The following FHIT variants were observed in gnomAD, a reference collection of about 807,000 sequenced individuals.
FHIT encodes the protein bis(5'-adenosyl)-triphosphatase.
A neutral mutation model predicts 17.9 loss-of-function variants in FHIT; 19 were observed. That is an observed-to-expected ratio of 1.06 (90% CI 0.74 to 1.56). The LOEUF (loss-of-function observed/expected upper bound fraction) is 1.56. Among genes scored for constraint, FHIT ranks in the 40% most tolerant of loss-of-function variants. FHIT has a pLI of 0.00. For synonymous variants in FHIT, 81 were observed against 69.7 expected (o/e 1.16, Z -0.81); for missense variants, 248 against 189.2 (o/e 1.31, Z -1.82).
intron 1 of FHIT, among the ~76,000 whole-genome samples, chr3:61,211,776 C>T (rs1018375282): frequency 6.6e-6 from 1 of 152,210 alleles, no homozygotes; most frequent in East Asian, 1.9e-4. Flanking sequence ...CTGACTGACA[C>T]CTCACACGGC....
chr3:60,662,463 T>C (rs1553691398), intron 4 of FHIT, among the ~76,000 whole-genome samples: 1 of 152,176 alleles, frequency 6.6e-6, no homozygotes, highest in African/African-American at 2.4e-5. Context: ...TAGTTTGAAG[T>C]TGGGTAATGA....
Position 59,862,619 on chromosome 3 carries a change from T to C in FHIT, c.348+59727A>G, listed in dbSNP as rs141314908. ...ATTGGCTGGGTATTTAAATATACTT[T>C]TCTTAGGCTGGGTTCCTCTAAAGCA... is the stretch of plus-strand genomic sequence containing the variant. On this transcript the variant is annotated intron_variant, in intron 8 of 9. Coordinates refer to ENST00000492590, the MANE Select transcript of FHIT (RefSeq NM_002012.4). Among the ~76,000 whole-genome samples the C allele has an allele frequency of 2.9e-3, 436 of 152,344 alleles. 2 individuals carry two copies. The highest frequency in any genetic ancestry group is 0.01 in the African/African-American group (417 of 41,588).
At chr3:60,695,124 G>A (rs539794865) in intron 4 of FHIT, among the ~76,000 whole-genome samples, 1 of 152,180 alleles carries the variant, frequency 6.6e-6, no homozygotes, top group Non-Finnish European at 1.5e-5. Flanking sequence ...GCCGGGTGCT[G>A]TGGCTCACTC....
chr3:59,861,465 G>A (rs1397248613), intron 8 of FHIT, among the ~76,000 whole-genome samples: 1 of 152,198 alleles, frequency 6.6e-6, no homozygotes, highest in African/African-American at 2.4e-5. Flanking sequence ...CAAACTTCCA[G>A]GGTGCTATTT....
chr3:60,497,411 C>G (rs2034345443), intron 5 of FHIT, among the ~76,000 whole-genome samples: 1 of 152,162 alleles, frequency 6.6e-6, no homozygotes, highest in African/African-American at 2.4e-5. Flanking sequence ...TTTGAAATAT[C>G]TCTTTAATCA....
intron 3 of FHIT, among the ~76,000 whole-genome samples, chr3:61,026,818 A>G (rs1003092959): frequency 1.4e-4 from 21 of 152,170 alleles, no homozygotes; most frequent in Non-Finnish European, 2.9e-4. Context: ...CTGATAGTAA[A>G]AAGCAGAGCT....
At chr3:60,531,260 G>T (rs1050646538) in intron 5 of FHIT, among the ~76,000 whole-genome samples, 2 of 148,850 alleles carry the variant, frequency 1.3e-5, no homozygotes, top group Non-Finnish European at 3.0e-5. Flanking sequence ...GTACAGGAAG[G>T]TTTGAAAAGA....
At position 60,044,966 on chromosome 3, in the gene FHIT, G is replaced by C. The variant is rs139626012; in HGVS notation, c.104-30814C>G. On this transcript the variant is annotated intron_variant, in intron 5 of 9. Transcript: ENST00000492590. ...ATTTAAGAATTTCAAAATAAACACT[G>C]ATCAATTGAAGTTATTTTGACCCAA... is the stretch of plus-strand genomic sequence containing the variant. Among the ~76,000 whole-genome samples the C allele has an allele frequency of 5.1e-4, 77 of 152,130 alleles. 1 individual carries two copies. In the East Asian group the frequency reaches 0.014, roughly 27 times the overall value.
intron 5 of FHIT, among the ~76,000 whole-genome samples, chr3:60,130,935 A>G (rs774922860): frequency 9.4e-5 from 14 of 149,674 alleles, no homozygotes; most frequent in African/African-American, 1.7e-4. Context: ...ATATATGTTT[A>G]TATATATACA....
chr3:60,902,576 T>C (rs536872444), intron 3 of FHIT, among the ~76,000 whole-genome samples: 1 of 152,306 alleles, frequency 6.6e-6, no homozygotes, highest in South Asian at 2.1e-4. Flanking sequence ...GTAACAATTT[T>C]CGATTCAAGA....
At chr3:60,966,902 C>G (rs1478436003) in intron 3 of FHIT, among the ~76,000 whole-genome samples, 1 of 152,158 alleles carries the variant, frequency 6.6e-6, no homozygotes, top group Admixed American at 6.5e-5. Context: ...ATAAATTGTA[C>G]TCCAAATCAG....
intron 3 of FHIT, among the ~76,000 whole-genome samples, chr3:60,847,135 T>C (rs1425682103): frequency 2.0e-5 from 3 of 152,194 alleles, no homozygotes; most frequent in Admixed American, 2.0e-4. Flanking sequence ...ATAACCTTAT[T>C]TCATAAGCAA....
intron 2 of FHIT, among the ~76,000 whole-genome samples, chr3:61,076,918 A>G (rs564251543): frequency 6.6e-6 from 1 of 152,332 alleles, no homozygotes; most frequent in South Asian, 2.1e-4. Flanking sequence ...CAAGTTTATT[A>G]TGCACATACA....
chr3:60,130,784 G>GTGTGTATATACACACATATATATGTGTGT (rs148356992), intron 5 of FHIT, among the ~76,000 whole-genome samples: 1 of 111,628 alleles, frequency 9.0e-6, no homozygotes, highest in African/African-American at 3.0e-5. Flanking sequence ...GTGTGTGTGT[G>GTGTGTATATACACACATATATATGTGTGT]GTGTGTATAT....
intron 7 of FHIT, among the ~76,000 whole-genome samples, chr3:59,949,595 C>T (rs111707635): frequency 3.0e-4 from 45 of 152,330 alleles, no homozygotes; most frequent in Admixed American, 5.9e-4. Context: ...AATACACACA[C>T]TCAGATGTGT....
chr3:59,977,637 T>A (rs529949973), intron 7 of FHIT, among the ~76,000 whole-genome samples: 1 of 152,330 alleles, frequency 6.6e-6, no homozygotes, highest in East Asian at 1.9e-4. Flanking sequence ...TTGCAGTCAT[T>A]GTTTCGTCTA....
At chr3:59,830,323 G>A (rs1396201410) in intron 8 of FHIT, among the ~76,000 whole-genome samples, 1 of 152,076 alleles carries the variant, frequency 6.6e-6, no homozygotes, top group Non-Finnish European at 1.5e-5. Flanking sequence ...AAGGAAAAAG[G>A]AGGAAAGTCT....
At chr3:60,518,156 A>T (rs1041189707) in intron 5 of FHIT, among the ~76,000 whole-genome samples, 7 of 152,230 alleles carry the variant, frequency 4.6e-5, no homozygotes, top group Non-Finnish European at 7.3e-5. Flanking sequence ...CAAGTTGACA[A>T]AACTATGACA....
chr3:60,437,684 A>G (rs1454141132), intron 5 of FHIT, among the ~76,000 whole-genome samples: 1 of 152,114 alleles, frequency 6.6e-6, no homozygotes, highest in Non-Finnish European at 1.5e-5. Flanking sequence ...CAATTAAATA[A>G]TCAGATGTCA....
Sources: allele counts gnomAD v4.1 joint callset (sites outside exome capture counted in the v4.1 genomes callset), GRCh38; gene constraint gnomAD v4.1.1; transcripts MANE v1.5; gene names NCBI Gene and HGNC (gene_info 2026-07-23, HGNC 2026-07-21).